Variants in ADGRG5 observed in about 807,000 individuals in gnomAD.
ADGRG5 encodes the protein adhesion G protein-coupled receptor G5.
In ADGRG5, 37 loss-of-function variants were observed where a neutral mutation model predicts 53.2. The observed-to-expected ratio is 0.70, with a 90% confidence interval of 0.53 to 0.91. The LOEUF (loss-of-function observed/expected upper bound fraction) is 0.91, where lower values mean the gene tolerates loss of function less well. ADGRG5 is among the 40% of genes least tolerant of loss of function. The pLI is 0.00. For missense variants in ADGRG5, 614 were observed against 675.8 expected (o/e 0.91, Z 1.01); for synonymous variants, 277 against 290.4 (o/e 0.95, Z 0.47).
chr16:57,552,923 T>C (rs1241842289), intron 1 of ADGRG5, among the ~76,000 whole-genome samples: 1 of 152,120 alleles, frequency 6.6e-6, no homozygotes, highest in Non-Finnish European at 1.5e-5. Flanking sequence ...TTCGATATTG[T>C]TGTGTCCTAG....
intron 9 of ADGRG5, among the ~76,000 whole-genome samples, chr16:57,569,108 TCAC>T (rs2033249472): frequency 9.5e-6 from 1 of 104,986 alleles, no homozygotes; most frequent in African/African-American, 3.7e-5. Context: ...TCCACGTACA[TCAC>T]CACCTTCTTC....
intron 10 of ADGRG5, among the ~76,000 whole-genome samples, chr16:57,573,293 G>C (rs1350176345): frequency 6.6e-6 from 1 of 151,942 alleles, no homozygotes; most frequent in Non-Finnish European, 1.5e-5. Context: ...AATTAGCTGG[G>C]CGTGGTGTCA....
chr16:57,544,483 G>A (rs2032568848), intron 1 of ADGRG5, among the ~76,000 whole-genome samples: 2 of 152,118 alleles, frequency 1.3e-5, no homozygotes, highest in Non-Finnish European at 2.9e-5. Flanking sequence ...GTGCCTGGGG[G>A]AGGTATCACT....
intron 1 of ADGRG5, among the ~76,000 whole-genome samples, chr16:57,558,211 C>A (rs1400868714): frequency 1.3e-5 from 2 of 152,138 alleles, no homozygotes; most frequent in East Asian, 3.8e-4. Flanking sequence ...TCAAATGATC[C>A]TCCTGCCTTG....
chr16:57,540,893 C>T (rs1268765978), upstream of ADGRG5, among the ~76,000 whole-genome samples: 3 of 152,228 alleles, frequency 2.0e-5, no homozygotes, highest in African/African-American at 4.8e-5. Context: ...CGGGTTTAAG[C>T]GATTCTTGTG....
intron 9 of ADGRG5, 82 bp from the exon 10 acceptor site, chr16:57,570,336 G>T (rs2033313774): frequency 9.9e-6 from 8 of 808,732 alleles, no homozygotes; most frequent in Non-Finnish European, 1.7e-5. Context: ...GTGAAATTCT[G>T]TGTCAGCAGC....
rs764808411 is a variant in ADGRG5 at position 57,568,002 on chromosome 16, A to G, written c.968A>G (p.Tyr323Cys). 1.9e-6 allele frequency: 3 copies of G among 1,614,028 alleles called. No individual in the cohort carries two copies. The highest frequency in any genetic ancestry group is 1.7e-4 in the Middle Eastern group (1 of 6,060). Residue 323 changes from tyrosine to cysteine, a missense_variant, in exon 9 of 12, where the codon TAC (tyrosine) becomes TGC (cysteine). Tyr to Cys is a radical substitution (Grantham distance 194, BLOSUM62 -2). Coordinates refer to ENST00000349457, the MANE Select transcript of ADGRG5 (RefSeq NM_001304376.3). The part of the protein sequence containing the change: ...ACTALAAALH[Y>C]ALLSCLTWMA... ...ACGGCTCTGGCCGCTGCCCTGCACT[A>G]CGCGCTGCTCAGCTGCCTCACCTGG...
chr16:57,529,592 T>C, the ADGRG5 span, among the ~76,000 whole-genome samples: 1 of 152,192 alleles, frequency 6.6e-6, no homozygotes, highest in Non-Finnish European at 1.5e-5. The surrounding 1 kb of genome is among the most constrained non-coding windows in gnomAD (Gnocchi z 4.1). Context: ...GCTCACACAC[T>C]GATGGCTTAT....
upstream of ADGRG5, among the ~76,000 whole-genome samples, chr16:57,541,860 T>C (rs1229210055): frequency 1.3e-5 from 2 of 152,346 alleles, no homozygotes; most frequent in East Asian, 3.9e-4. Flanking sequence ...CCTATCCAGC[T>C]GCCTGGCTCA....
chr16:57,538,634 T>C (rs2032443433), upstream of ADGRG5, among the ~76,000 whole-genome samples: 1 of 152,166 alleles, frequency 6.6e-6, no homozygotes, highest in South Asian at 2.1e-4. Flanking sequence ...CCTCTCTGAA[T>C]GCAAGGCTAA....
intron 1 of ADGRG5, among the ~76,000 whole-genome samples, chr16:57,546,689 C>G (rs1475702092): frequency 6.6e-6 from 1 of 152,074 alleles, no homozygotes; most frequent in African/African-American, 2.4e-5. Context: ...GCTAGAAAAA[C>G]CTTCCCCACT....
Position 57,575,626 on chromosome 16 carries a change from C to A in ADGRG5, c.*88C>A, listed in dbSNP as rs556788117. 2.0e-5 allele frequency: 21 copies of A among 1,056,158 alleles called. No homozygotes were observed. Among genetic ancestry groups the A allele is most frequent in the South Asian group, 1.2e-4 (9 of 76,166 alleles). 65.4% of individuals were successfully genotyped at this position (1,056,158 alleles called of 1,614,324 possible). On this transcript the variant is annotated 3_prime_UTR_variant, in exon 12 of 12. Coordinates refer to ENST00000349457, the MANE Select transcript of ADGRG5 (RefSeq NM_001304376.3). The stretch of plus-strand genomic sequence containing the variant: ...CCTGCTAGAGAGGGTGGCAGGCCTG[C>A]TGCTGGACCCCAGAGGCCACTGTGA...
intron 1 of ADGRG5, 138 bp from the exon 2 acceptor site, chr16:57,561,918 C>A: frequency 2.1e-6 from 1 of 475,654 alleles, no homozygotes; most frequent in South Asian, 5.0e-5. Flanking sequence ...GCCCTTCATC[C>A]TCAGCTTCCT....
intron 1 of ADGRG5, among the ~76,000 whole-genome samples, chr16:57,560,994 G>A (rs1241195613): frequency 1.3e-5 from 2 of 152,270 alleles, no homozygotes; most frequent in East Asian, 3.9e-4. Flanking sequence ...GCCCAGGCTG[G>A]TCTGGAACTC....
At chr16:57,568,783 A>G (rs377723627) in intron 9 of ADGRG5, among the ~76,000 whole-genome samples, 72 of 135,218 alleles carry the variant, frequency 5.3e-4, no homozygotes, top group African/African-American at 1.9e-3. Context: ...TGTCACCTCC[A>G]TCACTACCTC....
intron 1 of ADGRG5, among the ~76,000 whole-genome samples, chr16:57,560,498 G>A (rs1290072490): frequency 6.6e-6 from 1 of 152,192 alleles, no homozygotes; most frequent in African/African-American, 2.4e-5. Flanking sequence ...TACTATTCTT[G>A]GAATGGTTAG....
intron 1 of ADGRG5, among the ~76,000 whole-genome samples, chr16:57,547,625 T>C (rs2032650148): frequency 6.6e-6 from 1 of 152,108 alleles, no homozygotes; most frequent in African/African-American, 2.4e-5. Context: ...TTTTGTATTT[T>C]TAGTAGAGAC....
At chr16:57,571,377 A>G (rs1184972557) in intron 10 of ADGRG5, among the ~76,000 whole-genome samples, 1 of 152,232 alleles carries the variant, frequency 6.6e-6, no homozygotes, top group East Asian at 1.9e-4. Flanking sequence ...AGTCAGTGGC[A>G]GAGCTGGGGC....
chr16:57,563,673 A>T (rs1461114477), intron 4 of ADGRG5, among the ~76,000 whole-genome samples, 175 bp from the exon 5 acceptor site: 1 of 152,168 alleles, frequency 6.6e-6, no homozygotes, highest in Non-Finnish European at 1.5e-5. Flanking sequence ...CAGGAACAGC[A>T]TGGAGGGAAG....
Sources: gnomAD v4.1 joint callset for allele counts (sites outside exome capture counted in the v4.1 genomes callset) on GRCh38, gnomAD v4.1.1 for gene constraint, Gnocchi (gnomAD v3.1) non-coding constraint, MANE v1.5 for transcripts, NCBI Gene and HGNC (gene_info 2026-07-23, HGNC 2026-07-21) for gene names.